ABCG1: variants seen among roughly 807,000 people sequenced by gnomAD.
ABCG1 encodes the protein ATP binding cassette subfamily G member 1.
Under a neutral mutation model 69.2 loss-of-function variants are expected in ABCG1, and 29 were observed. The ratio of observed to expected loss-of-function variants is 0.42; its 90% CI spans 0.31 to 0.57. The LOEUF is 0.57. Ranked by LOEUF, ABCG1 falls within the 20% of genes least tolerant of loss-of-function variation. The pLI is 0.15. For missense variants in ABCG1, 718 were observed against 898.1 expected (o/e 0.80, Z 2.56); for synonymous variants, 370 against 374.8 (o/e 0.99, Z 0.15).
At position 42,273,343 on chromosome 21, in the gene ABCG1, C is replaced by T. The variant is rs1390008943; in HGVS notation, c.445C>T (p.Pro149Ser). The change falls in exon 4 of 15, where the codon CCC becomes TCC. Residue 149 changes from proline to serine, a missense_variant. By Grantham distance (74) the Pro-to-Ser change is moderately conservative. This residue lies in a region of ABCG1 where 514 missense variants were observed against 574.3 expected (regional missense o/e 0.90). Coordinates refer to ENST00000398449, the MANE Select transcript of ABCG1 (RefSeq NM_016818.3). This position sits in a 1 kb window ranked among gnomAD's most constrained non-coding sequence, Gnocchi z 5.3. ...MKGAVLINGL[P>S]RDLRCFRKVS... The stretch of plus-strand genomic sequence containing the variant: ...GGGGGCCGTCCTCATCAACGGCCTG[C>T]CCCGGGACCTGCGCTGCTTCCGGAA... 1.2e-6 allele frequency: 2 copies of T among 1,613,822 alleles called. No individual in the cohort carries two copies. Among genetic ancestry groups the T allele is most frequent in the Non-Finnish European group, 8.5e-7 (1 of 1,179,982 alleles).
At chr21:42,241,643 T>C (rs1048201578) in intron 2 of ABCG1, among the ~76,000 whole-genome samples, 15 of 149,454 alleles carry the variant, frequency 1.0e-4, no homozygotes, top group African/African-American at 3.7e-4. Context: ...AAACCCAAAA[T>C]CCCTAAGGTG....
chr21:42,228,245 AATGGGCCGCC>A (rs2067848621), intron 2 of ABCG1, among the ~76,000 whole-genome samples: 1 of 152,152 alleles, frequency 6.6e-6, no homozygotes, highest in South Asian at 2.1e-4. Flanking sequence ...AAGAGCCTGC[AATGGGCCGCC>A]GAGGGACCTG....
intron 5 of ABCG1, among the ~76,000 whole-genome samples, chr21:42,278,825 A>C (rs969153890): frequency 4.2e-4 from 64 of 152,180 alleles, no homozygotes; most frequent in Non-Finnish European, 1.2e-4. Flanking sequence ...AAATCAACAG[A>C]ACGGGGCCCT....
chr21:42,246,025 G>A (rs555278491), intron 2 of ABCG1, among the ~76,000 whole-genome samples: 2 of 152,322 alleles, frequency 1.3e-5, no homozygotes, highest in Admixed American at 6.5e-5. Flanking sequence ...GGGGGCAGGC[G>A]GGGGACATGG....
chr21:42,259,810 C>T (rs750473406), intron 2 of ABCG1, among the ~76,000 whole-genome samples: 2 of 152,186 alleles, frequency 1.3e-5, no homozygotes, highest in Non-Finnish European at 2.9e-5. Context: ...TTCTCATTAG[C>T]CCATTCCCTC....
At chr21:42,241,927 A>T (rs1310693423) in intron 2 of ABCG1, among the ~76,000 whole-genome samples, 1 of 145,686 alleles carries the variant, frequency 6.9e-6, no homozygotes, top group African/African-American at 2.6e-5. Context: ...GCAGTGAGTC[A>T]TTATCACACC....
chr21:42,286,563 A>C (rs2068943950), intron 8 of ABCG1, among the ~76,000 whole-genome samples: 1 of 152,232 alleles, frequency 6.6e-6, no homozygotes. Flanking sequence ...CGAGGGTTGC[A>C]GGGAGTGTGG....
chr21:42,213,438 C>G (rs890817213), upstream of ABCG1, among the ~76,000 whole-genome samples: 4 of 152,258 alleles, frequency 2.6e-5, no homozygotes, highest in Non-Finnish European at 4.4e-5. Flanking sequence ...CTTTGGAGAG[C>G]CTTGGGGTCC....
At chr21:42,280,171 G>A (rs74939972) in intron 5 of ABCG1, among the ~76,000 whole-genome samples, 3 of 152,308 alleles carry the variant, frequency 2.0e-5, no homozygotes, top group African/African-American at 4.8e-5. Flanking sequence ...TGCATGCCTC[G>A]CCATCGGGCC....
In ABCG1 at chr21:42,219,936, G is replaced by C; in HGVS notation, c.42+632G>C. The C allele has an allele frequency of 6.4e-7, 1 of 1,551,040 alleles. No homozygotes were observed. Among genetic ancestry groups the C allele is most frequent in the Non-Finnish European group, 8.7e-7 (1 of 1,146,776 alleles). ...CCGGATTCCTGCCGGCCGCCTTTCTGCGCGCGCCGGAGAGAGAGACGCGGT... is the reference window on the plus strand; with the variant it reads ...CCGGATTCCTGCCGGCCGCCTTTCTCCGCGCGCCGGAGAGAGAGACGCGGT... On this transcript the variant is annotated intron_variant, in intron 1 of 14. Transcript: ENST00000398449. This position sits in a 1 kb window ranked among gnomAD's most constrained non-coding sequence, Gnocchi z 5.3.
At chr21:42,202,675 G>T (rs1311691431) in intron 2 of ABCG1, among the ~76,000 whole-genome samples, 1 of 151,656 alleles carries the variant, frequency 6.6e-6, no homozygotes, top group Non-Finnish European at 1.5e-5. Flanking sequence ...ACAGGGGCGC[G>T]ATCACAGCTC....
chr21:42,204,364 A>G (rs2067527880), intron 2 of ABCG1, among the ~76,000 whole-genome samples: 1 of 152,178 alleles, frequency 6.6e-6, no homozygotes, highest in South Asian at 2.1e-4. Flanking sequence ...ACTATTAATT[A>G]TATTATTAAC....
rs1045661176 is a variant in ABCG1 at position 42,245,433 on chromosome 21, A to G, written c.286+19519A>G. 9.2e-5 allele frequency among the ~76,000 whole-genome samples: 14 copies of G among 152,374 alleles called. No individual in the cohort carries two copies. In the South Asian group the frequency reaches 1.0e-3, roughly 11 times the overall value. ...AGGATTATGAAACTTAAAAAGCAGCATCTTAAGCCCGGCTTAACCCCAAAC... is the reference window on the plus strand; with the variant it reads ...AGGATTATGAAACTTAAAAAGCAGCGTCTTAAGCCCGGCTTAACCCCAAAC... On this transcript the variant is annotated intron_variant, in intron 2 of 14. Transcript: ENST00000398449.
Position 42,256,447 on chromosome 21 carries a change from C to T in ABCG1, c.287-14623C>T, listed in dbSNP as rs767294830. On this transcript the variant is annotated intron_variant, in intron 2 of 14. Transcript: ENST00000398449. ...CCTTCCTGTCAGAGTATCCAGAGGC[C>T]GCAGAGTATCCACACCCTGGCTGGG... 5.8e-6 allele frequency: 9 copies of T among 1,549,342 alleles called. No homozygotes were observed. The East Asian group carries it at 7.3e-5, about 13-fold the overall frequency.
chr21:42,286,013 A>G lies in ABCG1; in HGVS notation c.973+19A>G. The G allele has an allele frequency of 1.9e-6, 3 of 1,544,662 alleles. No homozygotes were observed. Among genetic ancestry groups the G allele is most frequent in the Non-Finnish European group, 2.7e-6 (3 of 1,117,000 alleles). On this transcript the variant is annotated intron_variant, in intron 8 of 14. Transcript: ENST00000398449. ...GATTTTGGTAAGCGGAGTCCTGAGC[A>G]GCTCGGGGGACAGAAAGGGGATTTT... is the stretch of plus-strand genomic sequence containing the variant.
At chr21:42,272,159 T>C (rs1005700827) in intron 3 of ABCG1, among the ~76,000 whole-genome samples, 1 of 152,256 alleles carries the variant, frequency 6.6e-6, no homozygotes, top group South Asian at 2.1e-4. Flanking sequence ...ATGCCAGAAA[T>C]TGGGGTTTGA....
chr21:42,240,427 C>T (rs1282516419), intron 2 of ABCG1, among the ~76,000 whole-genome samples: 1 of 152,256 alleles, frequency 6.6e-6, no homozygotes, highest in African/African-American at 2.4e-5. Context: ...TTACTGCCTT[C>T]ACACTTATGG....
chr21:42,254,856 G>A (rs1344174870), intron 2 of ABCG1, among the ~76,000 whole-genome samples: 1 of 152,236 alleles, frequency 6.6e-6, no homozygotes, highest in Admixed American at 6.5e-5. Context: ...GCGAGGGGGA[G>A]GGGAGGGAGT....
chr21:42,217,929 A>C (rs1045972733), upstream of ABCG1, among the ~76,000 whole-genome samples: 23 of 151,946 alleles, frequency 1.5e-4, no homozygotes, highest in Admixed American at 2.6e-4. Context: ...CTGACCTCCC[A>C]AAGTGGTGGG....
Sources: allele counts gnomAD v4.1 joint callset (sites outside exome capture counted in the v4.1 genomes callset), GRCh38; gene constraint gnomAD v4.1.1; regional missense constraint gnomAD v4.1.1; non-coding constraint Gnocchi (gnomAD v3.1); transcripts MANE v1.5; gene names NCBI Gene and HGNC (gene_info 2026-07-23, HGNC 2026-07-21).